Variants in SARDH observed in about 807,000 individuals in gnomAD.
SARDH encodes the protein sarcosine dehydrogenase, also known as sarcosine dehydrogenase, mitochondrial.
A neutral mutation model predicts 109.1 loss-of-function variants in SARDH; 95 were observed. That is an observed-to-expected ratio of 0.87 (90% CI 0.74 to 1.03). The LOEUF (loss-of-function observed/expected upper bound fraction) is 1.03, where lower values mean the gene tolerates loss of function less well. Among genes scored for constraint, SARDH ranks in the 50% least tolerant of loss-of-function variants. SARDH has a pLI of 0.00. For synonymous variants in SARDH, 572 were observed against 534.8 expected, an observed-to-expected ratio of 1.07 and a Z score of -0.96; for missense variants, 1,267 against 1,287.8, an observed-to-expected ratio of 0.98 and a Z score of 0.25.
chr9:133,733,159 A>C (rs759461338), intron 2 of SARDH, among the ~76,000 whole-genome samples: 33 of 152,178 alleles, frequency 2.2e-4, no homozygotes, highest in Non-Finnish European at 4.4e-4. Flanking sequence ...CAAGAGTTGG[A>C]GCAGTGGCTT....
Position 133,685,253 on chromosome 9 carries a change from G to A in SARDH, c.2103C>T (p.Asp701=). 6 of 1,614,002 alleles carry A rather than the reference G, an allele frequency of 3.7e-6. No homozygotes were observed. The highest frequency in any genetic ancestry group is 5.1e-6 in the Non-Finnish European group (6 of 1,179,970). ...RAILQEVLDA[D]LSNEAFPFST... ...AGAACGGGAAGGCCTCGTTGCTCAG[G>A]TCTGCGTCCAGCACCTCCTGCAAAA... is the stretch of plus-strand genomic sequence containing the variant. The change falls in exon 17 of 21, where the codon GAC becomes GAT. Residue 701 remains aspartate, a synonymous_variant. Transcript: ENST00000439388.
chr9:133,722,640 G>GCTCTCTCTCTCTCT (rs1491335172), intron 6 of SARDH, among the ~76,000 whole-genome samples: 1 of 98,820 alleles, frequency 1.0e-5, no homozygotes, highest in Non-Finnish European at 2.0e-5. Flanking sequence ...AAAACTACTA[G>GCTCTCTCTCTCTCT]CGCTCTCTCT....
intron 1 of SARDH, 140 bp from the exon 2 acceptor site, chr9:133,734,343 A>T (rs1832793903): frequency 4.1e-6 from 2 of 482,250 alleles, no homozygotes; most frequent in South Asian, 4.5e-5. Context: ...TCATTCATTC[A>T]CTCATTCATT....
intron 11 of SARDH, among the ~76,000 whole-genome samples, chr9:133,706,019 A>G (rs1478475292): frequency 1.3e-5 from 2 of 152,186 alleles, no homozygotes; most frequent in African/African-American, 4.8e-5. Flanking sequence ...GGGGAAAAAA[A>G]AGTTCTGCTG....
downstream of SARDH, among the ~76,000 whole-genome samples, chr9:133,660,577 C>T (rs1256433901): frequency 1.3e-5 from 2 of 152,210 alleles, no homozygotes; most frequent in Non-Finnish European, 2.9e-5. Flanking sequence ...GTCCAGCAGC[C>T]CAGGTTGCTA....
Position 133,733,900 on chromosome 9 carries a change from C to T in SARDH, c.274G>A (p.Gly92Arg), listed in dbSNP as rs976179868. 1.3e-6 allele frequency: 2 copies of T among 1,538,076 alleles called. No homozygotes were observed. Among genetic ancestry groups the T allele is most frequent in the Non-Finnish European group, 1.8e-6 (2 of 1,142,002 alleles). ...LYHLAKLGMS[G>R]AVLLERERLT... ...CGCTCCCGCTCCAGCAGCACCGCCC[C>T]ACTCATGCCCAGCTTGGCCAGGTGG... Residue 92 changes from glycine to arginine, a missense_variant, in exon 2 of 21, where the codon GGG becomes AGG. By Grantham distance (125) the Gly-to-Arg change is moderately radical. Coordinates refer to ENST00000439388, the MANE Select transcript of SARDH (RefSeq NM_001134707.2).
downstream of SARDH, chr9:133,659,428 C>CT (rs773860561): frequency 2.0e-5 from 3 of 152,314 alleles, no homozygotes; most frequent in Non-Finnish European, 4.4e-5. Flanking sequence ...GTACCAAGTG[C>CT]TTCCCCCTGA....
rs866688809 is a variant in SARDH, at chr9:133,692,172, G to A, written c.1922-1645C>T. Among the ~76,000 whole-genome samples the A allele has an allele frequency of 2.0e-5, 3 of 152,154 alleles. No individual in the cohort carries two copies. The highest frequency in any genetic ancestry group is 6.5e-5 in the Admixed American group (1 of 15,280). On this transcript the variant is annotated intron_variant, in intron 15 of 20. Transcript: ENST00000439388. The surrounding 1 kb of genome is among the most constrained non-coding windows in gnomAD (Gnocchi z 5.0). ...TCAATTCTCCATCGCAGCCCCGGGAGGCGCGTCTTCCTCACTCCATTCCAC... is the reference window on the plus strand; with the variant it reads ...TCAATTCTCCATCGCAGCCCCGGGAAGCGCGTCTTCCTCACTCCATTCCAC...
At chr9:133,736,818 G>A (rs1004524196) in intron 1 of SARDH, among the ~76,000 whole-genome samples, 12 of 152,228 alleles carry the variant, frequency 7.9e-5, no homozygotes, top group African/African-American at 2.9e-4. Flanking sequence ...CAGGAAAAGT[G>A]AAAGGGATGT....
Position 133,717,368 on chromosome 9 carries a change from C to G in SARDH, c.1108G>C (p.Val370Leu). 6.2e-7 allele frequency: 1 copy of G among 1,614,142 alleles called. No individual in the cohort carries two copies. The highest frequency in any genetic ancestry group is 8.5e-7 in the Non-Finnish European group (1 of 1,179,992). Reference sequence around the variant, plus strand: ...GACTTGATTCCTGTCTTCTCCAGCACGGGGACCCTGTTGATGGCGCCTTCA... The same window carrying G: ...GACTTGATTCCTGTCTTCTCCAGCAGGGGGACCCTGTTGATGGCGCCTTCA... ...HIEGAINRVPVLEKTGIKSTV... is the reference protein window; with the variant it reads ...HIEGAINRVPLLEKTGIKSTV... The change falls in exon 8 of 21, where the codon GTG becomes CTG. Residue 370 changes from valine (V) to leucine (L), a missense_variant. Val to Leu is a conservative substitution (Grantham distance 32, BLOSUM62 1). Transcript: ENST00000439388.
chr9:133,661,904 T>A (rs1313844206), downstream of SARDH, among the ~76,000 whole-genome samples: 1 of 152,200 alleles, frequency 6.6e-6, no homozygotes, highest in African/African-American at 2.4e-5. Context: ...ACGGTGTTTT[T>A]AAAGTTGAGG....
Position 133,670,619 on chromosome 9 carries a change from G to T in SARDH, c.2460C>A (p.Gly820=), listed in dbSNP as rs1453461319. Reference sequence around the variant, plus strand: ...TGAAGCACACCAGGCGCCGGCGGAGGCCTGCGGCCCGCTGCTGCTCCAGGG... The same window carrying T: ...TGAAGCACACCAGGCGCCGGCGGAGTCCTGCGGCCCGCTGCTGCTCCAGGG... ...REALEQQRAA[G]LRRRLVCFTM... is the part of the protein sequence containing the mutation. The change falls in exon 19 of 21, where the codon GGC becomes GGA. Residue 820 remains glycine (G), a synonymous_variant. Coordinates refer to ENST00000439388, the MANE Select transcript of SARDH (RefSeq NM_001134707.2). 4 of 1,579,782 alleles carry T rather than the reference G, an allele frequency of 2.5e-6. No individual in the cohort carries two copies. Among genetic ancestry groups the T allele is most frequent in the Non-Finnish European group, 3.4e-6 (4 of 1,163,356 alleles).
chr9:133,698,000 G>A (rs1831343968), intron 13 of SARDH, among the ~76,000 whole-genome samples: 1 of 95,344 alleles, frequency 1.0e-5, no homozygotes, highest in Non-Finnish European at 2.1e-5. Flanking sequence ...GAAATCCTAA[G>A]GAATCCACTA....
At chr9:133,661,918 G>A (rs963509677), downstream of SARDH, among the ~76,000 whole-genome samples, 2 of 152,220 alleles carry the variant, frequency 1.3e-5, no homozygotes, top group African/African-American at 2.4e-5. Flanking sequence ...GTTGAGGTCT[G>A]GAAGACCTGG....
chr9:133,734,368 T>C (rs892536121), intron 1 of SARDH, among the ~76,000 whole-genome samples, 165 bp from the exon 2 acceptor site: 4 of 147,962 alleles, frequency 2.7e-5, no homozygotes, highest in Middle Eastern at 3.4e-3. Context: ...CATTCACTCA[T>C]TCATTCATTC....
rs778334325 is a variant in SARDH at position 133,709,344 on chromosome 9, C to G, written c.1329-916G>C. On this transcript the variant is annotated intron_variant, in intron 10 of 20. Coordinates refer to ENST00000439388, the MANE Select transcript of SARDH (RefSeq NM_001134707.2). The surrounding 1 kb of genome is among the most constrained non-coding windows in gnomAD (Gnocchi z 4.2). Reference sequence around the variant, plus strand: ...GTCTCCTCAGACCAGCCACCCGTCCCGAATCCGACAGTGCGGAACTGCTGG... The same window carrying G: ...GTCTCCTCAGACCAGCCACCCGTCCGGAATCCGACAGTGCGGAACTGCTGG... 7.9e-5 allele frequency among the ~76,000 whole-genome samples: 12 copies of G among 152,264 alleles called. No individual in the cohort carries two copies. Among genetic ancestry groups the G allele is most frequent in the Admixed American group, 3.3e-4 (5 of 15,308 alleles).
intron 4 of SARDH, among the ~76,000 whole-genome samples, chr9:133,730,470 T>TAA (rs71503358): frequency 2.0e-5 from 3 of 147,190 alleles, no homozygotes; most frequent in African/African-American, 7.6e-5. Flanking sequence ...GACTTTTTTT[T>TAA]AAAAAAAAAA....
At position 133,704,953 on chromosome 9, in the gene SARDH, C is replaced by A. The variant is rs1184724665; in HGVS notation, c.1549G>T (p.Ala517Ser). 1.3e-6 allele frequency: 2 copies of A among 1,576,130 alleles called. No homozygotes were observed. The highest frequency in any genetic ancestry group is 1.7e-6 in the Non-Finnish European group (2 of 1,161,550). Residue 517 changes from alanine to serine, a missense_variant, in exon 12 of 21, where the codon GCT becomes TCT. Physicochemically the swap from Ala to Ser is moderately conservative, Grantham distance 99 (BLOSUM62 1). Transcript: ENST00000439388. The surrounding 1 kb of genome is among the most constrained non-coding windows in gnomAD (Gnocchi z 4.5). ...GCCCAGCAGGCACTACTCACCGGAG[C>A]TGGGCCTCGGGGATGAAACCATCCC... Reference protein sequence around the residue: ...RPGWFHPRGPAPVLEYDYYGA... With the variant: ...RPGWFHPRGPSPVLEYDYYGA...
chr9:133,720,527 T>C (rs1832287238), intron 6 of SARDH, among the ~76,000 whole-genome samples: 2 of 152,176 alleles, frequency 1.3e-5, no homozygotes, highest in Admixed American at 1.3e-4. Flanking sequence ...TACCCAAGAC[T>C]GGGTAATTTA....
Sources: gnomAD v4.1 joint callset for allele counts (sites outside exome capture counted in the v4.1 genomes callset) on GRCh38, gnomAD v4.1.1 for gene constraint, Gnocchi (gnomAD v3.1) non-coding constraint, MANE v1.5 for transcripts, NCBI Gene and HGNC (gene_info 2026-07-23, HGNC 2026-07-21) for gene names.